Variants in SIPA1L1 observed in about 807,000 individuals in gnomAD.
SIPA1L1 encodes signal-induced proliferation-associated 1-like protein 1.
SIPA1L1 carries 26 observed loss-of-function variants against 162.7 expected under a neutral mutation model. That is an observed-to-expected ratio of 0.16 (90% confidence interval 0.12 to 0.22). The LOEUF is 0.22. Among genes scored for constraint, SIPA1L1 ranks in the 10% least tolerant of loss-of-function variants. SIPA1L1 has a pLI of 1.00. For missense variants in SIPA1L1, 1,874 were observed against 2,241.0 expected (o/e 0.84, Z 3.31); for synonymous variants, 829 against 837.4 (o/e 0.99, Z 0.17).
In SIPA1L1 at chr14:71,702,428, C is replaced by T; in HGVS notation, c.3569C>T (p.Thr1190Ile). The change falls in exon 15 of 24, where the codon ACC becomes ATC. Residue 1190 changes from threonine (T) to isoleucine (I), a missense_variant. By Grantham distance (89) the Thr-to-Ile change is moderately conservative. Coordinates refer to ENST00000381232, the MANE Select transcript of SIPA1L1 (RefSeq NM_001386936.1). ...RSPASIDRQN[T>I]QSDIGGSGKS... ...CCAGCCTCCATTGACAGGCAGAACACCCAGTCAGATATTGGTGGCAGCGGA... is the reference window on the plus strand; with the variant it reads ...CCAGCCTCCATTGACAGGCAGAACATCCAGTCAGATATTGGTGGCAGCGGA... 1.2e-6 allele frequency: 2 copies of T among 1,614,040 alleles called. No individual in the cohort carries two copies. Among genetic ancestry groups the T allele is most frequent in the Admixed American group, 1.7e-5 (1 of 60,028 alleles).
intron 2 of SIPA1L1, among the ~76,000 whole-genome samples, chr14:71,355,192 C>G (rs1228966871): frequency 6.6e-6 from 1 of 152,224 alleles, no homozygotes; most frequent in Non-Finnish European, 1.5e-5. Flanking sequence ...TCTGTTGCCA[C>G]TTTAAGGACC....
At chr14:71,491,761 A>AACACACACACACACACACACACACACAC (rs59275638) in intron 2 of SIPA1L1, among the ~76,000 whole-genome samples, 1 of 97,956 alleles carries the variant, frequency 1.0e-5, no homozygotes, top group African/African-American at 4.0e-5. Flanking sequence ...TTTTATTTCA[A>AACACACACACACACACACACACACACAC]ACACACACAC....
intron 4 of SIPA1L1, among the ~76,000 whole-genome samples, chr14:71,546,044 C>T (rs2146032558): frequency 1.3e-5 from 2 of 152,102 alleles, no homozygotes; most frequent in African/African-American, 2.4e-5. Context: ...GATTGTCCCA[C>T]TGCACTCCAG....
rs115989176 is a variant in SIPA1L1, at chr14:71,516,395, C to T, written c.-362+3550C>T. 6.5e-3 allele frequency among the ~76,000 whole-genome samples: 982 copies of T among 152,092 alleles called. 6 individuals carry two copies. Among genetic ancestry groups the T allele is most frequent in the African/African-American group, 0.022 (923 of 41,498 alleles). On this transcript the variant is annotated intron_variant, in intron 3 of 23. Transcript: ENST00000381232. Reference sequence around the variant, plus strand: ...TAAAATAGCAGGATTTTTTATTAACCTTTTTTTCTGAGACAGGGTCTTGCT... The same window carrying T: ...TAAAATAGCAGGATTTTTTATTAACTTTTTTTTCTGAGACAGGGTCTTGCT...
intron 2 of SIPA1L1, among the ~76,000 whole-genome samples, chr14:71,361,914 A>C (rs2037850461): frequency 6.6e-6 from 1 of 152,242 alleles, no homozygotes; most frequent in African/African-American, 2.4e-5. Flanking sequence ...CACTGAAGGC[A>C]TACTGTTGCG....
rs2048364457 is a variant in SIPA1L1 at position 71,481,709 on chromosome 14, A to G, written c.-464-31034A>G. The stretch of plus-strand genomic sequence containing the variant: ...AATTTATTTTAAGTCATTATTTATC[A>G]GTAGAAAACCATTAAAAATTAGTGA... On this transcript the variant is annotated intron_variant, in intron 2 of 23. Coordinates refer to ENST00000381232, the MANE Select transcript of SIPA1L1 (RefSeq NM_001386936.1). 2.0e-5 allele frequency among the ~76,000 whole-genome samples: 3 copies of G among 152,242 alleles called. No homozygotes were observed. In the South Asian group the frequency reaches 6.2e-4, roughly 32 times the overall value.
chr14:71,693,302 A>G (rs375573811), intron 13 of SIPA1L1, among the ~76,000 whole-genome samples: 1 of 152,138 alleles, frequency 6.6e-6, no homozygotes, highest in African/African-American at 2.4e-5. Context: ...AGGTCAGGAG[A>G]CCAGCTTGGC....
intron 2 of SIPA1L1, among the ~76,000 whole-genome samples, chr14:71,457,426 G>A (rs2046267302): frequency 6.6e-6 from 1 of 151,062 alleles, no homozygotes; most frequent in Non-Finnish European, 1.5e-5. Flanking sequence ...AGCTTCCTGA[G>A]TAGCTGTGGC....
At chr14:71,534,835 G>A (rs535231527) in intron 4 of SIPA1L1, among the ~76,000 whole-genome samples, 4 of 152,166 alleles carry the variant, frequency 2.6e-5, no homozygotes, top group Non-Finnish European at 5.9e-5. Flanking sequence ...TCTGTTGATC[G>A]TAAAGATTTA....
At chr14:71,373,087 G>A (rs775506672) in intron 2 of SIPA1L1, among the ~76,000 whole-genome samples, 3 of 151,976 alleles carry the variant, frequency 2.0e-5, no homozygotes, top group Non-Finnish European at 4.4e-5. Flanking sequence ...CGATGCAGGC[G>A]GATCATGAGG....
At chr14:71,615,652 G>A (rs548439807) in intron 5 of SIPA1L1, among the ~76,000 whole-genome samples, 1 of 152,256 alleles carries the variant, frequency 6.6e-6, no homozygotes, top group South Asian at 2.1e-4. Context: ...CTGTGGGAAG[G>A]TGATAGGTTC....
chr14:71,603,361 G>A (rs1486742256), intron 5 of SIPA1L1, among the ~76,000 whole-genome samples: 1 of 151,970 alleles, frequency 6.6e-6, no homozygotes, highest in Admixed American at 6.6e-5. Context: ...ATTATTTATA[G>A]GGGGGACATA....
At chr14:71,650,633 A>C (rs1388427553) in intron 8 of SIPA1L1, 124 bp downstream of exon 8, 6 of 837,190 alleles carry the variant, frequency 7.2e-6, no homozygotes, top group Non-Finnish European at 1.1e-5. Flanking sequence ...GATGGGGGAG[A>C]GAAAGCCAGA....
At chr14:71,403,335 C>CA (rs1566978011) in intron 2 of SIPA1L1, among the ~76,000 whole-genome samples, 1 of 152,100 alleles carries the variant, frequency 6.6e-6, no homozygotes, top group Admixed American at 6.5e-5. Flanking sequence ...CGCGGTGGCT[C>CA]ACGCCTGTAA....
chr14:71,443,751 C>A (rs185736759), intron 2 of SIPA1L1, among the ~76,000 whole-genome samples: 3 of 152,326 alleles, frequency 2.0e-5, no homozygotes, highest in Admixed American at 2.0e-4. Flanking sequence ...ATGGCATACA[C>A]ATATATCTGC....
intron 2 of SIPA1L1, among the ~76,000 whole-genome samples, chr14:71,466,202 T>C (rs2046981113): frequency 6.6e-6 from 1 of 152,198 alleles, no homozygotes; most frequent in Non-Finnish European, 1.5e-5. Context: ...AAGCTAATGC[T>C]ACCACCAAAG....
chr14:71,534,049 A>AT (rs759175190), intron 4 of SIPA1L1, among the ~76,000 whole-genome samples: 3 of 151,894 alleles, frequency 2.0e-5, no homozygotes, highest in Non-Finnish European at 4.4e-5. Context: ...ATATAGTGAG[A>AT]CCCCATCTCT....
At chr14:71,693,383 C>T (rs780975062) in intron 13 of SIPA1L1, among the ~76,000 whole-genome samples, 2 of 152,062 alleles carry the variant, frequency 1.3e-5, no homozygotes, top group South Asian at 2.1e-4. Flanking sequence ...CCTGTAATCC[C>T]AGCTACACGG....
chr14:71,698,916 T>C, intron 13 of SIPA1L1, 65 bp from the exon 14 acceptor site: 1 of 1,539,692 alleles, frequency 6.5e-7, no homozygotes, highest in Non-Finnish European at 9.0e-7. Context: ...ATATTATCCA[T>C]CATGCGTTGC....
Sources: gnomAD v4.1 joint callset for allele counts (sites outside exome capture counted in the v4.1 genomes callset) on GRCh38, gnomAD v4.1.1 for gene constraint, MANE v1.5 for transcripts, NCBI Gene and HGNC (gene_info 2026-07-23, HGNC 2026-07-21) for gene names.